The following GALNTL6 variants were observed in gnomAD, a reference collection of about 807,000 sequenced individuals.
GALNTL6 encodes the protein polypeptide N-acetylgalactosaminyltransferase-like 6.
A neutral mutation model predicts 73.7 loss-of-function variants in GALNTL6; 46 were observed. That is an observed-to-expected ratio of 0.62 (90% CI 0.49 to 0.80). GALNTL6 has a LOEUF of 0.80. Among genes scored for constraint, GALNTL6 ranks in the 30% least tolerant of loss-of-function variants. The pLI is 0.00. For synonymous variants in GALNTL6, 259 were observed against 263.7 expected (o/e 0.98, Z 0.17); for missense variants, 604 against 755.0 (o/e 0.80, Z 2.34).
intron 5 of GALNTL6, among the ~76,000 whole-genome samples, chr4:172,611,230 A>G (rs934231060): frequency 2.6e-5 from 4 of 152,186 alleles, no homozygotes; most frequent in Middle Eastern, 3.4e-3. Flanking sequence ...TTATGATGTT[A>G]GCTGGTTATA....
At chr4:172,854,228 C>G (rs1744001470) in intron 7 of GALNTL6, among the ~76,000 whole-genome samples, 1 of 152,178 alleles carries the variant, frequency 6.6e-6, no homozygotes, top group African/African-American at 2.4e-5. Flanking sequence ...GGCCCATATC[C>G]TACTCTAAAT....
At chr4:172,201,499 C>T (rs903913563) in intron 2 of GALNTL6, among the ~76,000 whole-genome samples, 14 of 151,048 alleles carry the variant, frequency 9.3e-5, no homozygotes, top group South Asian at 4.2e-4. Flanking sequence ...GCCACGGCAC[C>T]GGGACTAGTT....
chr4:172,498,398 A>C (rs578237419), intron 5 of GALNTL6, among the ~76,000 whole-genome samples: 1 of 152,320 alleles, frequency 6.6e-6, no homozygotes, highest in African/African-American at 2.4e-5. Flanking sequence ...GTCATTTAAA[A>C]AAATTTTATA....
chr4:172,168,339 T>C (rs1265632970), intron 2 of GALNTL6, among the ~76,000 whole-genome samples: 1 of 152,206 alleles, frequency 6.6e-6, no homozygotes, highest in Non-Finnish European at 1.5e-5. Flanking sequence ...TGGAGTGCAG[T>C]GGCAAAATCT....
intron 2 of GALNTL6, among the ~76,000 whole-genome samples, chr4:172,164,190 C>T (rs574567263): frequency 6.6e-6 from 1 of 152,052 alleles, no homozygotes; most frequent in Non-Finnish European, 1.5e-5. Flanking sequence ...TACTCGTGTT[C>T]ATTGCTTTTG....
intron 5 of GALNTL6, among the ~76,000 whole-genome samples, chr4:172,742,895 G>A (rs1037119871): frequency 4.0e-5 from 6 of 151,878 alleles, no homozygotes; most frequent in African/African-American, 9.7e-5. Flanking sequence ...GTACGAGCTC[G>A]GGGTCACCTC....
intron 2 of GALNTL6, among the ~76,000 whole-genome samples, chr4:171,851,475 T>G (rs146860680): frequency 1.4e-3 from 206 of 152,298 alleles, no homozygotes; most frequent in African/African-American, 4.4e-3. Flanking sequence ...TGTTATATAT[T>G]ATGTTTATTT....
intron 5 of GALNTL6, among the ~76,000 whole-genome samples, chr4:172,546,530 A>C (rs1034846075): frequency 2.0e-5 from 3 of 151,548 alleles, no homozygotes; most frequent in African/African-American, 7.3e-5. Context: ...TGCAAAAATC[A>C]CTGGGACTTA....
intron 7 of GALNTL6, among the ~76,000 whole-genome samples, chr4:172,867,864 C>T (rs955675286): frequency 3.3e-5 from 5 of 152,170 alleles, no homozygotes; most frequent in Non-Finnish European, 7.3e-5. Flanking sequence ...CTGAACCATC[C>T]AATTGGAGTG....
At chr4:173,032,368 G>A (rs985057764) in intron 12 of GALNTL6, among the ~76,000 whole-genome samples, 1 of 151,748 alleles carries the variant, frequency 6.6e-6, no homozygotes, top group African/African-American at 2.4e-5. Context: ...GGAGAATGGC[G>A]TGAACCCGGG....
At chr4:172,298,175 A>T (rs1739758869) in intron 3 of GALNTL6, among the ~76,000 whole-genome samples, 1 of 152,174 alleles carries the variant, frequency 6.6e-6, no homozygotes, top group South Asian at 2.1e-4. Flanking sequence ...GGTGTATAAG[A>T]ATGCTTGTGA....
At chr4:172,450,228 AAAC>A (rs1349175121) in intron 5 of GALNTL6, among the ~76,000 whole-genome samples, 2 of 150,520 alleles carry the variant, frequency 1.3e-5, no homozygotes, top group Non-Finnish European at 3.0e-5. Context: ...AAAAAAAAAA[AAAC>A]AAACAAACTT....
At chr4:172,330,011 G>A (rs73870085) in intron 4 of GALNTL6, among the ~76,000 whole-genome samples, 2,424 of 152,308 alleles carry the variant, frequency 0.016, 63 homozygotes, top group African/African-American at 0.053. Context: ...TCTCAGGGAC[G>A]TATAACACTG....
chr4:172,725,588 T>G (rs1254896465), intron 5 of GALNTL6, among the ~76,000 whole-genome samples: 1 of 152,228 alleles, frequency 6.6e-6, no homozygotes, highest in Admixed American at 6.5e-5. Flanking sequence ...TATTCCTAAC[T>G]TAAGATAAAA....
intron 3 of GALNTL6, among the ~76,000 whole-genome samples, chr4:172,298,922 A>G (rs1288727432): frequency 6.6e-6 from 1 of 152,096 alleles, no homozygotes; most frequent in Non-Finnish European, 1.5e-5. Flanking sequence ...CTATTGATTG[A>G]AATAGTTTCA....
At chr4:172,200,808 TACAGGG>T (rs1735927277) in intron 2 of GALNTL6, among the ~76,000 whole-genome samples, 1 of 152,222 alleles carries the variant, frequency 6.6e-6, no homozygotes, top group Non-Finnish European at 1.5e-5. Flanking sequence ...CGTGAATTGT[TACAGGG>T]TGAGTTATGC....
chr4:171,928,636 T>A (rs1578980657), intron 2 of GALNTL6, among the ~76,000 whole-genome samples: 1 of 152,260 alleles, frequency 6.6e-6, no homozygotes, highest in African/African-American at 2.4e-5. Context: ...TTTTGGTCAA[T>A]GACAGACCAC....
At chr4:173,018,516 A>C (rs1752869350) in intron 11 of GALNTL6, among the ~76,000 whole-genome samples, 1 of 152,186 alleles carries the variant, frequency 6.6e-6, no homozygotes, top group Non-Finnish European at 1.5e-5. Flanking sequence ...TAAGGATCTC[A>C]CTGTCTAGGG....
chr4:172,834,667 G>A (rs1349877971), intron 7 of GALNTL6, among the ~76,000 whole-genome samples: 2 of 152,186 alleles, frequency 1.3e-5, no homozygotes, highest in Non-Finnish European at 2.9e-5. Context: ...CCTTGGAGAG[G>A]GCCAATATCT....
Sources: gnomAD v4.1 joint callset for allele counts (sites outside exome capture counted in the v4.1 genomes callset) on GRCh38, gnomAD v4.1.1 for gene constraint, MANE v1.5 for transcripts, NCBI Gene and HGNC (gene_info 2026-07-23, HGNC 2026-07-21) for gene names.